The following MSRA variants were observed in gnomAD, a reference collection of about 807,000 sequenced individuals.
The protein encoded by MSRA is mitochondrial peptide methionine sulfoxide reductase.
In MSRA, 54 loss-of-function variants were observed where a neutral mutation model predicts 31.3. That is an observed-to-expected ratio of 1.73 (90% confidence interval 1.39 to 2.17). The LOEUF is 2.17. Ranked by LOEUF, MSRA falls within the 30% of genes most tolerant of loss-of-function variation. MSRA has a pLI of 0.00. For synonymous variants in MSRA, 169 were observed against 116.5 expected (o/e 1.45, Z -2.90); for missense variants, 507 against 300.9 (o/e 1.69, Z -5.07).
intron 5 of MSRA, among the ~76,000 whole-genome samples, chr8:10,422,739 G>T (rs796663077): frequency 6.6e-6 from 1 of 152,178 alleles, no homozygotes; most frequent in Non-Finnish European, 1.5e-5. Flanking sequence ...AGCCCTGGGG[G>T]TACCTGGCCC....
At chr8:10,340,301 C>G (rs1478472985) in intron 5 of MSRA, among the ~76,000 whole-genome samples, 1 of 151,530 alleles carries the variant, frequency 6.6e-6, no homozygotes, top group Non-Finnish European at 1.5e-5. Context: ...TAGATTTTGA[C>G]AATCAAAAAA....
intron 1 of MSRA, among the ~76,000 whole-genome samples, chr8:10,084,421 T>C (rs1457393428): frequency 6.6e-6 from 1 of 152,246 alleles, no homozygotes; most frequent in Non-Finnish European, 1.5e-5. Context: ...TCTTCTGGTC[T>C]CTTCTTCTTT....
intron 1 of MSRA, among the ~76,000 whole-genome samples, chr8:10,114,001 C>T (rs1435093191): frequency 6.6e-6 from 1 of 152,122 alleles, no homozygotes; most frequent in East Asian, 1.9e-4. Flanking sequence ...ATTACTAGTT[C>T]ACTTTTTGTC....
In MSRA at chr8:10,241,018, G is replaced by A. The variant is rs79083917; in HGVS notation, c.212-4086G>A. 6.1e-4 allele frequency among the ~76,000 whole-genome samples: 93 copies of A among 152,124 alleles called. 1 individual carries two copies. The East Asian group carries it at 0.013, about 21-fold the overall frequency. On this transcript the variant is annotated intron_variant, in intron 2 of 5. Coordinates refer to ENST00000317173, the MANE Select transcript of MSRA (RefSeq NM_012331.5). ...CTGGTCCTGCTTGTGCATGATTCCC[G>A]ATGTACAACTTCCTCTTTATGATAG...
At chr8:10,174,574 C>T (rs1449270601) in intron 1 of MSRA, among the ~76,000 whole-genome samples, 9 of 152,106 alleles carry the variant, frequency 5.9e-5, no homozygotes, top group East Asian at 1.9e-4. Flanking sequence ...CTACGTTCTT[C>T]GCACTCTCTC....
chr8:10,182,812 C>A (rs1036255867), intron 1 of MSRA, among the ~76,000 whole-genome samples: 1 of 152,144 alleles, frequency 6.6e-6, no homozygotes, highest in African/African-American at 2.4e-5. Context: ...AGAGAGTGTC[C>A]TAGTCACAGT....
intron 1 of MSRA, among the ~76,000 whole-genome samples, chr8:10,093,448 C>G (rs561709771): frequency 6.6e-6 from 1 of 152,086 alleles, no homozygotes; most frequent in Non-Finnish European, 1.5e-5. Flanking sequence ...AAACTTTGCT[C>G]CTATATAGCT....
At chr8:10,133,320 G>A (rs1037103750) in intron 1 of MSRA, among the ~76,000 whole-genome samples, 6 of 152,182 alleles carry the variant, frequency 3.9e-5, no homozygotes, top group African/African-American at 1.4e-4. Context: ...TTATTAATAT[G>A]TATTAGAAAG....
intron 5 of MSRA, among the ~76,000 whole-genome samples, chr8:10,361,271 G>C (rs1396584819): frequency 6.6e-6 from 1 of 152,190 alleles, no homozygotes; most frequent in Non-Finnish European, 1.5e-5. Context: ...CTCAGTGACT[G>C]CCTTAGCAGT....
At chr8:10,168,764 C>T (rs1805357866) in intron 1 of MSRA, among the ~76,000 whole-genome samples, 3 of 152,194 alleles carry the variant, frequency 2.0e-5, no homozygotes, top group African/African-American at 4.8e-5. Flanking sequence ...CCCATCCTTG[C>T]AGGAATCCTT....
chr8:10,200,849 C>A (rs533838536), intron 1 of MSRA, among the ~76,000 whole-genome samples: 2 of 152,272 alleles, frequency 1.3e-5, no homozygotes, highest in South Asian at 4.1e-4. Flanking sequence ...TCTCAGAGCC[C>A]CTGCCCCAGA....
chr8:10,140,989 C>T (rs759833630), intron 1 of MSRA, among the ~76,000 whole-genome samples: 12 of 152,218 alleles, frequency 7.9e-5, no homozygotes, highest in Non-Finnish European at 1.3e-4. Flanking sequence ...GGCAGGCAAA[C>T]GGAAGTCCTT....
At chr8:10,338,859 G>C (rs1278185690) in intron 5 of MSRA, among the ~76,000 whole-genome samples, 1 of 152,136 alleles carries the variant, frequency 6.6e-6, no homozygotes, top group African/African-American at 2.4e-5. Flanking sequence ...CTCTCTTTGG[G>C]GGTGTTTTTG....
rs141045483 is a variant in MSRA at position 10,230,838 on chromosome 8, A to C, written c.212-14266A>C. ...TTGCTCTCGTTGCCCAGGCTGGAGT[A>C]TAATGGCGTGATTTTGGCTCACTGC... On this transcript the variant is annotated intron_variant, in intron 2 of 5. Transcript: ENST00000317173. Among the ~76,000 whole-genome samples the C allele has an allele frequency of 6.2e-3, 938 of 152,234 alleles. 6 individuals are homozygous for C. Among genetic ancestry groups the C allele is most frequent in the African/African-American group, 0.022 (900 of 41,542 alleles).
chr8:10,143,714 G>T (rs1802898825), intron 1 of MSRA, among the ~76,000 whole-genome samples: 1 of 152,104 alleles, frequency 6.6e-6, no homozygotes, highest in African/African-American at 2.4e-5. Context: ...AAGCAAGAGG[G>T]CCACTTTCGT....
At chr8:10,254,304 C>T (rs944941990) in intron 3 of MSRA, among the ~76,000 whole-genome samples, 1 of 152,194 alleles carries the variant, frequency 6.6e-6, no homozygotes, top group African/African-American at 2.4e-5. Context: ...CTTCCTCTTT[C>T]TTTCTTGACG....
intron 1 of MSRA, among the ~76,000 whole-genome samples, chr8:10,119,463 C>A (rs536454041): frequency 3.3e-5 from 5 of 152,244 alleles, no homozygotes; most frequent in Admixed American, 1.3e-4. Context: ...TTGTAGCAGG[C>A]TGATGATTGA....
chr8:10,070,562 C>T (rs1176686906), intron 1 of MSRA, among the ~76,000 whole-genome samples: 10 of 152,174 alleles, frequency 6.6e-5, no homozygotes, highest in Admixed American at 2.0e-4. Flanking sequence ...GTCATTACAA[C>T]GAGGATATTG....
intron 1 of MSRA, among the ~76,000 whole-genome samples, chr8:10,125,909 C>G (rs1250746948): frequency 6.6e-6 from 1 of 152,120 alleles, no homozygotes; most frequent in Non-Finnish European, 1.5e-5. Flanking sequence ...TACACTAAGA[C>G]AAAACCACTA....
Sources: allele counts gnomAD v4.1 joint callset (sites outside exome capture counted in the v4.1 genomes callset), GRCh38; gene constraint gnomAD v4.1.1; transcripts MANE v1.5; gene names NCBI Gene and HGNC (gene_info 2026-07-23, HGNC 2026-07-21).